ARMH1: variants seen among roughly 807,000 people sequenced by gnomAD.
ARMH1 encodes armadillo like helical domain containing 1.
ARMH1 carries 34 observed loss-of-function variants against 50.2 expected under a neutral mutation model. That is an observed-to-expected ratio of 0.68 (90% CI 0.51 to 0.90). The LOEUF (loss-of-function observed/expected upper bound fraction) is 0.90. Ranked by LOEUF, ARMH1 falls within the 40% of genes least tolerant of loss-of-function variation. ARMH1 has a pLI of 0.00. For missense variants in ARMH1, 538 were observed against 553.9 expected (o/e 0.97, Z 0.29); for synonymous variants, 221 against 224.2 (o/e 0.99, Z 0.13).
At chr1:44,697,416 T>C (rs1347977460) in intron 3 of ARMH1, among the ~76,000 whole-genome samples, 1 of 152,174 alleles carries the variant, frequency 6.6e-6, no homozygotes, top group Non-Finnish European at 1.5e-5. Context: ...CCAACTCATA[T>C]TGGACTCAGA....
At chr1:44,710,534 A>C (rs1226012740) in intron 6 of ARMH1, among the ~76,000 whole-genome samples, 1 of 147,528 alleles carries the variant, frequency 6.8e-6, no homozygotes, top group Non-Finnish European at 1.5e-5. Context: ...GCGTGAACCC[A>C]GGAGGTGGAG....
At chr1:44,691,270 A>T (rs943981895) in intron 2 of ARMH1, among the ~76,000 whole-genome samples, 6 of 151,904 alleles carry the variant, frequency 3.9e-5, no homozygotes, top group East Asian at 2.0e-4. Context: ...AACATTTTTT[A>T]AAAATTATAA....
At chr1:44,684,922 C>A (rs1232901071) in intron 1 of ARMH1, among the ~76,000 whole-genome samples, 1 of 152,148 alleles carries the variant, frequency 6.6e-6, no homozygotes, top group African/African-American at 2.4e-5. Context: ...TGACTCCCAA[C>A]ATGCCATGGC....
At chr1:44,719,811 C>A (rs941315564) in intron 6 of ARMH1, among the ~76,000 whole-genome samples, 1 of 152,196 alleles carries the variant, frequency 6.6e-6, no homozygotes, top group African/African-American at 2.4e-5. Flanking sequence ...TTCTGTTGTG[C>A]CTGGGTTGTA....
At chr1:44,708,307 A>G (rs1254279138) in intron 6 of ARMH1, among the ~76,000 whole-genome samples, 1 of 152,254 alleles carries the variant, frequency 6.6e-6, no homozygotes, top group African/African-American at 2.4e-5. Flanking sequence ...AGCAGTCAGC[A>G]TGGAGAAGCA....
At position 44,704,127 on chromosome 1, in the gene ARMH1, C is replaced by T. The variant is rs1050846241; in HGVS notation, c.678C>T (p.Cys226=). ...IGTTHPSIVD[C]VLKVLGTMHL... is the part of the protein sequence containing the mutation. ...CCACACACCCCAGCATCGTGGACTGCGTGCTGAAGGTGCTGGGCACGATGC... is the reference window on the plus strand; with the variant it reads ...CCACACACCCCAGCATCGTGGACTGTGTGCTGAAGGTGCTGGGCACGATGC... Residue 226 remains cysteine, a synonymous_variant, in exon 6 of 12, where the codon TGC becomes TGT. Coordinates refer to ENST00000535358, the MANE Select transcript of ARMH1 (RefSeq NM_001145636.2). 5.8e-6 allele frequency: 9 copies of T among 1,550,940 alleles called. No individual in the cohort carries two copies. Among genetic ancestry groups the T allele is most frequent in the African/African-American group, 4.1e-5 (3 of 72,906 alleles).
Position 44,697,230 on chromosome 1 carries a change from T to C in ARMH1, c.275+60T>C, listed in dbSNP as rs912592941. The stretch of plus-strand genomic sequence containing the variant: ...AGTGGCATCTCAGGCTCATGATGTC[T>C]TTGGCATTCACACCACCCAGGGCCA... On this transcript the variant is annotated intron_variant, in intron 3 of 11. Transcript: ENST00000535358. The C allele has an allele frequency of 5.2e-6, 7 of 1,359,060 alleles. No homozygotes were observed. The African/African-American group carries it at 7.2e-5, about 14-fold the overall frequency. 84.2% of individuals were successfully genotyped at this position (1,359,060 alleles called of 1,614,324 possible). A position where few individuals can be genotyped will look rare whatever the true frequency, so the allele number is the denominator to read the frequency against.
Position 44,720,197 on chromosome 1 carries a change from CAAAAAAAAAA to C in ARMH1, c.725-3911_725-3902del, listed in dbSNP as rs35873369. Among the ~76,000 whole-genome samples the C allele has an allele frequency of 1.6e-4, 11 of 69,204 alleles. No homozygotes were observed. The East Asian group carries it at 2.4e-3, about 15-fold the overall frequency. 45.4% of individuals were successfully genotyped at this position (69,204 alleles called of 152,430 possible). A position where few individuals can be genotyped will look rare whatever the true frequency, so the allele number is the denominator to read the frequency against. On this transcript the variant is annotated intron_variant, in intron 6 of 11. Coordinates refer to ENST00000535358, the MANE Select transcript of ARMH1 (RefSeq NM_001145636.2). ...GGGCAACAAGAGCAAAACTCTGTCT[CAAAAAAAAAA>C]AAAAAAAAAAAAAGTTGGCCATGGG...
chr1:44,695,558 G>A (rs1168885272), intron 2 of ARMH1, among the ~76,000 whole-genome samples: 1 of 152,146 alleles, frequency 6.6e-6, no homozygotes, highest in East Asian at 1.9e-4. Context: ...GGGAGGCAGA[G>A]GCAGGAGGAT....
chr1:44,691,893 T>C (rs764591459), intron 2 of ARMH1, among the ~76,000 whole-genome samples: 2 of 152,204 alleles, frequency 1.3e-5, no homozygotes, highest in African/African-American at 2.4e-5. Flanking sequence ...TTGGGACATG[T>C]TGAGTTTGAG....
chr1:44,710,600 C>T, intron 6 of ARMH1, among the ~76,000 whole-genome samples: 1 of 112,948 alleles, frequency 8.9e-6, no homozygotes, highest in Admixed American at 1.1e-4. Context: ...CAGAGCAAGA[C>T]TCCGTCTCAA....
At position 44,724,490 on chromosome 1, in the gene ARMH1, G is replaced by A; in HGVS notation, c.921-49G>A. ...CCGTGCGCCGGGTGGGCGGGGGTGT[G>A]CGCCGGGTGAGCCCCAGGGCGTCGC... On this transcript the variant is annotated intron_variant, in intron 8 of 11. Coordinates refer to ENST00000535358, the MANE Select transcript of ARMH1 (RefSeq NM_001145636.2). The surrounding 1 kb of genome is among the most constrained non-coding windows in gnomAD (Gnocchi z 6.4). 6.6e-7 allele frequency: 1 copy of A among 1,511,498 alleles called. No individual in the cohort carries two copies. The highest frequency in any genetic ancestry group is 1.2e-5 in the South Asian group (1 of 80,470). 93.6% of individuals were successfully genotyped at this position (1,511,498 alleles called of 1,614,324 possible). A position where few individuals can be genotyped will look rare whatever the true frequency, so the allele number is the denominator to read the frequency against.
In ARMH1 at chr1:44,701,088, A is replaced by G. The variant is rs370463783; in HGVS notation, c.608A>G (p.Gln203Arg). Residue 203 changes from glutamine (Q) to arginine (R), a missense_variant, in exon 5 of 12, where the codon CAG (glutamine) becomes CGG (arginine). Physicochemically the swap from Gln to Arg is conservative, Grantham distance 43 (BLOSUM62 1). Coordinates refer to ENST00000535358, the MANE Select transcript of ARMH1 (RefSeq NM_001145636.2). ...LLPCESPKAQQLSLQTLRTAQ... is the reference protein window; with the variant it reads ...LLPCESPKAQRLSLQTLRTAQ... ...CCCTGCGAGTCCCCAAAAGCCCAGC[A>G]GCTGTCCCTGCAGACTCTCAGGACT... The G allele has an allele frequency of 1.9e-6, 3 of 1,551,544 alleles. No homozygotes were observed. In the African/African-American group the frequency reaches 4.1e-5, roughly 21 times the overall value.
chr1:44,721,626 G>C lies in ARMH1; in HGVS notation c.725-2496G>C, dbSNP rs553199107. 9.9e-5 allele frequency among the ~76,000 whole-genome samples: 15 copies of C among 152,282 alleles called. No homozygotes were observed. In the South Asian group the frequency reaches 2.9e-3, roughly 29 times the overall value. ...TACACAAAATTAGACAGGCTTATGA[G>C]GCTGAGGTGGGAGGATTGCTTGAGC... On this transcript the variant is annotated intron_variant, in intron 6 of 11. Transcript: ENST00000535358.
In ARMH1 at chr1:44,698,209, A is replaced by G. The variant is rs1645894290; in HGVS notation, c.422A>G (p.Glu141Gly). 6 of 1,551,996 alleles carry G rather than the reference A, an allele frequency of 3.9e-6. No homozygotes were observed. Among genetic ancestry groups the G allele is most frequent in the Non-Finnish European group, 5.2e-6 (6 of 1,146,992 alleles). ...GCGAACTCTGGCAGGACATACAAGG[A>G]ACTCATTTGTGAAAGCTATGGTGGG... The part of the protein sequence containing the change: ...VIANSGRTYK[E>G]LICESYGVRS... The change falls in exon 4 of 12, where the codon GAA becomes GGA. Residue 141 changes from glutamate to glycine, a missense_variant. Glu to Gly is a moderately conservative substitution (Grantham distance 98). Transcript: ENST00000535358.
At chr1:44,678,595 C>A (rs1007300045) in intron 1 of ARMH1, among the ~76,000 whole-genome samples, 7 of 152,106 alleles carry the variant, frequency 4.6e-5, no homozygotes, top group African/African-American at 1.4e-4. Flanking sequence ...CTCTCCCTAT[C>A]TCTGAATGGA....
At chr1:44,715,330 C>G (rs1360536397) in intron 6 of ARMH1, among the ~76,000 whole-genome samples, 1 of 152,172 alleles carries the variant, frequency 6.6e-6, no homozygotes, top group Non-Finnish European at 1.5e-5. Context: ...CAAAGGAATA[C>G]TAAGCCTGCT....
At chr1:44,710,667 T>A (rs1283310801) in intron 6 of ARMH1, among the ~76,000 whole-genome samples, 1 of 152,068 alleles carries the variant, frequency 6.6e-6, no homozygotes, top group African/African-American at 2.4e-5. Flanking sequence ...TACTTCTTTC[T>A]TCATAAAAGC....
intron 1 of ARMH1, among the ~76,000 whole-genome samples, chr1:44,686,041 A>T (rs1250723042): frequency 2.0e-5 from 3 of 152,176 alleles, no homozygotes; most frequent in Non-Finnish European, 4.4e-5. Context: ...AAGGAAGAAG[A>T]TGTGAGAGAC....
Sources: allele counts gnomAD v4.1 joint callset (sites outside exome capture counted in the v4.1 genomes callset), GRCh38; gene constraint gnomAD v4.1.1; non-coding constraint Gnocchi (gnomAD v3.1); transcripts MANE v1.5; gene names NCBI Gene and HGNC (gene_info 2026-07-23, HGNC 2026-07-21).